Variants in SETD3 observed in about 807,000 individuals in gnomAD.
SETD3 encodes SET domain containing 3, actin N3(tau)-histidine methyltransferase.
Under a neutral mutation model 63.0 loss-of-function variants are expected in SETD3, and 19 were observed. The observed-to-expected ratio is 0.30, with a 90% CI of 0.21 to 0.44. SETD3 has a LOEUF of 0.44. Among genes scored for constraint, SETD3 ranks in the 20% least tolerant of loss-of-function variants. The probability of loss-of-function intolerance (pLI) is 1.00; values close to 1 mark genes in which losing one functional copy is unlikely to be tolerated. For synonymous variants in SETD3, 286 were observed against 264.1 expected, an observed-to-expected ratio of 1.08 and a Z score of -0.80; for missense variants, 587 against 728.5, an observed-to-expected ratio of 0.81 and a Z score of 2.24.
At chr14:99,455,318 T>C (rs1338348354) in intron 6 of SETD3, among the ~76,000 whole-genome samples, 1 of 152,234 alleles carries the variant, frequency 6.6e-6, no homozygotes, top group African/African-American at 2.4e-5. Flanking sequence ...ATTTTCAACA[T>C]GCAATGCCAA....
chr14:99,406,415 T>C, intron 9 of SETD3, 101 bp downstream of exon 9: 1 of 1,068,870 alleles, frequency 9.4e-7, no homozygotes, highest in Non-Finnish European at 1.4e-6. Flanking sequence ...GAATTCCACA[T>C]TTTTTCCCCT....
chr14:99,414,230 C>A (rs964441875), intron 6 of SETD3, among the ~76,000 whole-genome samples: 1 of 152,248 alleles, frequency 6.6e-6, no homozygotes, highest in African/African-American at 2.4e-5. Flanking sequence ...TTACAAAAGG[C>A]AGGCACGCCT....
chr14:99,421,021 A>G (rs1194608265), intron 6 of SETD3, among the ~76,000 whole-genome samples: 1 of 105,276 alleles, frequency 9.5e-6, no homozygotes, highest in Non-Finnish European at 1.8e-5. Context: ...AAAGACAGTA[A>G]ATCTTTCGTT....
At chr14:99,405,088 A>G in intron 10 of SETD3, 117 bp downstream of exon 10, 3 of 1,395,106 alleles carry the variant, frequency 2.2e-6, no homozygotes, top group Non-Finnish European at 2.9e-6. Flanking sequence ...CCACGGGGAT[A>G]AACGGATTAA....
intron 1 of SETD3, among the ~76,000 whole-genome samples, chr14:99,474,342 T>C (rs1049595474): frequency 9.2e-5 from 14 of 151,444 alleles, no homozygotes; most frequent in African/African-American, 3.4e-4. Context: ...AATAAATAAA[T>C]TAAATAAATA....
intron 6 of SETD3, among the ~76,000 whole-genome samples, chr14:99,422,623 TAGG>T (rs111371880): frequency 0.041 from 6,303 of 152,248 alleles, 434 homozygotes; most frequent in African/African-American, 0.14. Flanking sequence ...CCCACTGATT[TAGG>T]AGGACTGCCA....
intron 2 of SETD3, 82 bp downstream of exon 2, chr14:99,465,621 G>T: frequency 9.2e-7 from 1 of 1,085,192 alleles, no homozygotes; most frequent in Non-Finnish European, 1.4e-6. Context: ...CTTGTCTGAT[G>T]CACGCGTCCC....
intron 6 of SETD3, among the ~76,000 whole-genome samples, chr14:99,440,412 T>C (rs1046154363): frequency 6.6e-6 from 1 of 152,156 alleles, no homozygotes; most frequent in African/African-American, 2.4e-5. Context: ...ATAATCGCAT[T>C]TCACTACACG....
rs1164149270 is a variant in SETD3 at position 99,474,821 on chromosome 14, CTG to C, written c.-9+5905_-9+5906del. On this transcript the variant is annotated intron_variant, in intron 1 of 12. Transcript: ENST00000331768. Reference sequence around the variant, plus strand: ...CTCCAGCCTGGGCCACAGAGCAAGACTGTGTCTCAAAAATAAATAAATAAATA... The same window carrying C: ...CTCCAGCCTGGGCCACAGAGCAAGACTGTCTCAAAAATAAATAAATAAATA... Among the ~76,000 whole-genome samples, 5 of 152,082 alleles carry C rather than the reference CTG, an allele frequency of 3.3e-5. No homozygotes were observed. In the South Asian group the frequency reaches 8.3e-4, roughly 25 times the overall value.
At chr14:99,416,519 T>C (rs986942829) in intron 6 of SETD3, among the ~76,000 whole-genome samples, 11 of 152,326 alleles carry the variant, frequency 7.2e-5, no homozygotes, top group African/African-American at 2.2e-4. Flanking sequence ...CTGCAGCCAA[T>C]TGGTTTTAGC....
At chr14:99,422,045 T>C (rs1892622112) in intron 6 of SETD3, among the ~76,000 whole-genome samples, 1 of 152,182 alleles carries the variant, frequency 6.6e-6, no homozygotes, top group East Asian at 1.9e-4. Context: ...ACTAAGACAG[T>C]GAGTCTATTA....
At chr14:99,416,336 T>G (rs1892289494) in intron 6 of SETD3, among the ~76,000 whole-genome samples, 1 of 152,238 alleles carries the variant, frequency 6.6e-6, no homozygotes, top group South Asian at 2.1e-4. Context: ...TATCCTTAGA[T>G]GAAAATCTTT....
intron 1 of SETD3, among the ~76,000 whole-genome samples, chr14:99,467,933 C>G (rs551345704): frequency 2.9e-4 from 44 of 152,268 alleles, no homozygotes; most frequent in African/African-American, 1.1e-3. Flanking sequence ...CAGCTGTTCC[C>G]TGGAGCTCAG....
At chr14:99,425,618 G>A (rs564574638) in intron 6 of SETD3, among the ~76,000 whole-genome samples, 1 of 152,300 alleles carries the variant, frequency 6.6e-6, no homozygotes, top group East Asian at 1.9e-4. Context: ...GGATTATCTC[G>A]CTCTAAGCAA....
At chr14:99,464,456 G>C (rs963542053) in intron 2 of SETD3, among the ~76,000 whole-genome samples, 6 of 152,170 alleles carry the variant, frequency 3.9e-5, no homozygotes, top group Non-Finnish European at 7.3e-5. Context: ...CTGAGGCCTG[G>C]AACAGGCCTC....
At chr14:99,400,311 A>C in intron 11 of SETD3, 52 bp from the exon 12 acceptor site, 2 of 1,540,102 alleles carry the variant, frequency 1.3e-6, no homozygotes, top group Non-Finnish European at 1.8e-6. Flanking sequence ...AGCACTCCTC[A>C]TTTGAACAAG....
chr14:99,459,395 C>A (rs1373218272), intron 4 of SETD3, among the ~76,000 whole-genome samples: 2 of 152,156 alleles, frequency 1.3e-5, no homozygotes, highest in African/African-American at 4.8e-5. Context: ...CTGTTTCCAA[C>A]AGAAAAACTA....
chr14:99,428,595 G>A lies in SETD3; in HGVS notation c.676-14661C>T, dbSNP rs936210188. Among the ~76,000 whole-genome samples, 10 of 152,270 alleles carry A rather than the reference G, an allele frequency of 6.6e-5. 1 individual carries two copies. The East Asian group carries it at 7.7e-4, about 12-fold the overall frequency. Reference sequence around the variant, plus strand: ...AAGGAGGTGGAGTTTGCAGTAAGCCGAGATCATGCCACTGCACTCAGCCTG... The same window carrying A: ...AAGGAGGTGGAGTTTGCAGTAAGCCAAGATCATGCCACTGCACTCAGCCTG... On this transcript the variant is annotated intron_variant, in intron 6 of 12. Transcript: ENST00000331768.
At chr14:99,441,459 T>C (rs1893806914) in intron 6 of SETD3, among the ~76,000 whole-genome samples, 1 of 152,210 alleles carries the variant, frequency 6.6e-6, no homozygotes, top group African/African-American at 2.4e-5. Context: ...GGCCCCACTC[T>C]TAAAGCTCAA....
Sources: allele counts gnomAD v4.1 joint callset (sites outside exome capture counted in the v4.1 genomes callset), GRCh38; gene constraint gnomAD v4.1.1; transcripts MANE v1.5; gene names NCBI Gene and HGNC (gene_info 2026-07-23, HGNC 2026-07-21).